Variants in IER3IP1 observed in about 807,000 individuals in gnomAD.
The protein encoded by IER3IP1 is immediate early response 3 interacting protein 1.
A neutral mutation model predicts 12.2 loss-of-function variants in IER3IP1; 16 were observed. The ratio of observed to expected loss-of-function variants is 1.31; its 90% CI spans 0.89 to 1.99. IER3IP1 has a LOEUF of 1.99. IER3IP1 is among the 30% of genes most tolerant of loss of function. IER3IP1 has a pLI of 0.00. For missense variants in IER3IP1, 95 were observed against 95.8 expected (o/e 0.99, Z 0.03); for synonymous variants, 42 against 40.0 (o/e 1.05, Z -0.19).
chr18:47,161,710 G>GGGT (rs1005982438), intron 1 of IER3IP1, among the ~76,000 whole-genome samples: 2 of 152,036 alleles, frequency 1.3e-5, no homozygotes, highest in African/African-American at 4.8e-5. Flanking sequence ...ATGGGTTGGG[G>GGGT]GGTGGTGGTG....
chr18:47,175,679 T>G lies in IER3IP1; in HGVS notation c.91+508A>C, dbSNP rs555064940. On this transcript the variant is annotated intron_variant, in intron 1 of 2. Transcript: ENST00000256433. ...GGTTTTACCATGTTGGCCAGGCTGG[T>G]CCCAAACTCCTGACATCATGATCCG... 2.0e-5 allele frequency among the ~76,000 whole-genome samples: 3 copies of G among 152,130 alleles called. No homozygotes were observed. The East Asian group carries it at 5.8e-4, about 29-fold the overall frequency.
rs1256232848 is a variant in IER3IP1, at chr18:47,155,418, A to G, written c.*759T>C. The G allele has an allele frequency of 6.6e-6, 1 of 152,098 alleles. No individual in the cohort carries two copies. Among genetic ancestry groups the G allele is most frequent in the Non-Finnish European group, 1.5e-5 (1 of 68,014 alleles). 9.4% of individuals were successfully genotyped at this position (152,098 alleles called of 1,614,324 possible). ...TTGTTTAGGACTGCTCTTGTGGGCTAATATTTACGCTGTTGTTTTTTTTAA... is the reference window on the plus strand; with the variant it reads ...TTGTTTAGGACTGCTCTTGTGGGCTGATATTTACGCTGTTGTTTTTTTTAA... On this transcript the variant is annotated 3_prime_UTR_variant, in exon 3 of 3. Transcript: ENST00000256433.
At chr18:47,175,697 A>G (rs933521958) in intron 1 of IER3IP1, among the ~76,000 whole-genome samples, 1 of 151,956 alleles carries the variant, frequency 6.6e-6, no homozygotes, top group Admixed American at 6.5e-5. Flanking sequence ...TCCTGACATC[A>G]TGATCCGCCG....
chr18:47,170,695 G>A (rs1028549748), intron 1 of IER3IP1, among the ~76,000 whole-genome samples: 1 of 151,426 alleles, frequency 6.6e-6, no homozygotes, highest in Non-Finnish European at 1.5e-5. Flanking sequence ...ATTGTTCATT[G>A]TGCACAGAAA....
In IER3IP1 at chr18:47,172,803, TC is replaced by T. The variant is rs1161067000; in HGVS notation, c.91+3383del. On this transcript the variant is annotated intron_variant, in intron 1 of 2. Transcript: ENST00000256433. This position sits in a 1 kb window ranked among gnomAD's most constrained non-coding sequence, Gnocchi z 4.0. ...TACTGTACTAAGCTACTCAGTAACATCCCACTGTTGTAGTATCTCTTCAAAC... is the reference window on the plus strand; with the variant it reads ...TACTGTACTAAGCTACTCAGTAACATCCACTGTTGTAGTATCTCTTCAAAC... Among the ~76,000 whole-genome samples the T allele has an allele frequency of 6.6e-6, 1 of 152,214 alleles. No homozygotes were observed. The highest frequency in any genetic ancestry group is 1.5e-5 in the Non-Finnish European group (1 of 68,030).
At chr18:47,160,047 T>C (rs923980518) in intron 1 of IER3IP1, among the ~76,000 whole-genome samples, 2 of 151,982 alleles carry the variant, frequency 1.3e-5, no homozygotes, top group African/African-American at 4.8e-5. Flanking sequence ...AATACAAAAT[T>C]AGCTGGGCAT....
chr18:47,157,394 A>C (rs193273082), intron 2 of IER3IP1, 42 bp downstream of exon 2: 1 of 1,547,400 alleles, frequency 6.5e-7, no homozygotes, highest in African/African-American at 1.4e-5. Flanking sequence ...CTTAAACCAC[A>C]ACATTAAAAC....
chr18:47,176,242 G>GGCT lies in IER3IP1; in HGVS notation c.33_35dup (p.Ala12dup). ...CTGCGATGGCGTTGACGCAGAGCAG[G>GGCT]GCTGCCTGCAGCAGTGAGTACAGGG... On this transcript the variant is annotated inframe_insertion, in exon 1 of 3. Coordinates refer to ENST00000256433, the MANE Select transcript of IER3IP1 (RefSeq NM_016097.5). The GGCT allele has an allele frequency of 6.2e-7, 1 of 1,609,484 alleles. No homozygotes were observed. The highest frequency in any genetic ancestry group is 8.5e-7 in the Non-Finnish European group (1 of 1,178,244).
In IER3IP1 at chr18:47,154,086, A is replaced by G. The variant is rs75109577; in HGVS notation, c.*2091T>C. The stretch of plus-strand genomic sequence containing the variant: ...CAGAGACATGCAAACACAGGGCCAG[A>G]ATACATAAGGACTATAAACATCATC... On this transcript the variant is annotated 3_prime_UTR_variant, in exon 3 of 3. Coordinates refer to ENST00000256433, the MANE Select transcript of IER3IP1 (RefSeq NM_016097.5). The G allele has an allele frequency of 0.041, 6,182 of 152,356 alleles. 223 individuals carry two copies. The highest frequency in any genetic ancestry group is 0.058 in the Non-Finnish European group (3,914 of 68,048). The allele number at this position is 152,356 out of a possible 1,614,324, so 9.4% of individuals were successfully genotyped here. A position where few individuals can be genotyped will look rare whatever the true frequency, so the allele number is the denominator to read the frequency against.
chr18:47,164,686 G>T (rs1481200154), intron 1 of IER3IP1, among the ~76,000 whole-genome samples: 10 of 151,792 alleles, frequency 6.6e-5, no homozygotes, highest in African/African-American at 2.4e-4. Flanking sequence ...GGAGGCTGAG[G>T]TGGGAGCACT....
chr18:47,157,713 TAGC>T (rs751132996), intron 1 of IER3IP1, among the ~76,000 whole-genome samples, 176 bp from the exon 2 acceptor site: 10 of 152,246 alleles, frequency 6.6e-5, no homozygotes, highest in African/African-American at 2.4e-4. Context: ...TAACTTTTGA[TAGC>T]AGCAACACCC....
chr18:47,175,840 A>C (rs776036820), intron 1 of IER3IP1, among the ~76,000 whole-genome samples: 1 of 151,854 alleles, frequency 6.6e-6, no homozygotes, highest in Non-Finnish European at 1.5e-5. Context: ...GCGACACTGC[A>C]CTTCAGCCTG....
At chr18:47,164,792 AAG>A (rs146375530) in intron 1 of IER3IP1, among the ~76,000 whole-genome samples, 31 of 133,458 alleles carry the variant, frequency 2.3e-4, no homozygotes, top group Non-Finnish European at 2.0e-4. Flanking sequence ...AAAAAAAAAC[AAG>A]AGAGAGAGAG....
At chr18:47,174,032 C>T (rs1429957118) in intron 1 of IER3IP1, among the ~76,000 whole-genome samples, 4 of 152,200 alleles carry the variant, frequency 2.6e-5, no homozygotes, top group Admixed American at 2.6e-4. Flanking sequence ...TCTGCAAAGA[C>T]TCTGTTTCCA....
At chr18:47,171,330 T>A (rs142331369) in intron 1 of IER3IP1, among the ~76,000 whole-genome samples, 92 of 152,328 alleles carry the variant, frequency 6.0e-4, no homozygotes, top group African/African-American at 2.1e-3. Context: ...AGGTCGATAG[T>A]CTCTTTTCTT....
chr18:47,170,800 T>C (rs1379287197), intron 1 of IER3IP1, among the ~76,000 whole-genome samples: 1 of 152,158 alleles, frequency 6.6e-6, no homozygotes. Flanking sequence ...TTTAGGATTT[T>C]CTATATATAC....
chr18:47,162,083 T>C (rs76922914), intron 1 of IER3IP1, among the ~76,000 whole-genome samples: 7,982 of 152,164 alleles, frequency 0.052, 256 homozygotes, highest in East Asian at 0.091. Flanking sequence ...AGTTCACTCA[T>C]CTGCCACTCA....
At chr18:47,159,351 C>G (rs1194488036) in intron 1 of IER3IP1, among the ~76,000 whole-genome samples, 5 of 152,184 alleles carry the variant, frequency 3.3e-5, no homozygotes. Context: ...TTCACTAATG[C>G]AGACAGATAT....
At chr18:47,164,531 G>T (rs1282899075) in intron 1 of IER3IP1, among the ~76,000 whole-genome samples, 1 of 151,764 alleles carries the variant, frequency 6.6e-6, no homozygotes, top group Non-Finnish European at 1.5e-5. Context: ...ATTTGGCCGG[G>T]TGTGGTGGTT....
Sources: gnomAD v4.1 joint callset for allele counts (sites outside exome capture counted in the v4.1 genomes callset) on GRCh38, gnomAD v4.1.1 for gene constraint, Gnocchi (gnomAD v3.1) non-coding constraint, MANE v1.5 for transcripts, NCBI Gene and HGNC (gene_info 2026-07-23, HGNC 2026-07-21) for gene names.